The following C19orf44 variants were observed in gnomAD, a reference collection of about 807,000 sequenced individuals.
C19orf44 encodes the protein chromosome 19 open reading frame 44, also known as uncharacterized protein C19orf44.
A neutral mutation model predicts 50.7 loss-of-function variants in C19orf44; 43 were observed. The ratio of observed to expected loss-of-function variants is 0.85; its 90% confidence interval spans 0.66 to 1.09. C19orf44 has a LOEUF of 1.09. Among genes scored for constraint, C19orf44 ranks in the 50% least tolerant of loss-of-function variants. The pLI, the probability that C19orf44 is intolerant of heterozygous loss-of-function variation, is 0.00. For missense variants in C19orf44, 722 were observed against 836.2 expected (o/e 0.86, Z 1.68); for synonymous variants, 298 against 334.7 (o/e 0.89, Z 1.20).
intron 5 of C19orf44, among the ~76,000 whole-genome samples, chr19:16,512,014 CAAAAA>C (rs1203102155): frequency 2.1e-5 from 1 of 47,404 alleles, no homozygotes; most frequent in African/African-American, 8.8e-5. Flanking sequence ...GACTCTGTCT[CAAAAA>C]AAAAAAAAAA....
At position 16,506,698 on chromosome 19, in the gene C19orf44, C is replaced by G. The variant is rs1310792693; in HGVS notation, c.1076-3C>G. 5 of 1,575,596 alleles carry G rather than the reference C, an allele frequency of 3.2e-6. No homozygotes were observed. The highest frequency in any genetic ancestry group is 4.3e-6 in the Non-Finnish European group (5 of 1,160,408). On this transcript the variant is annotated splice_region_variant and splice_polypyrimidine_tract_variant and intron_variant, in intron 3 of 8. Coordinates refer to ENST00000221671, the MANE Select transcript of C19orf44 (RefSeq NM_032207.4). The stretch of plus-strand genomic sequence containing the variant: ...AACGCTTATACTCATTTTTTAATTA[C>G]AGAGTTTAGAATAAATATTTTATCG...
chr19:16,520,767 C>G lies in C19orf44; in HGVS notation c.*714C>G. On this transcript the variant is annotated 3_prime_UTR_variant, in exon 9 of 9. Transcript: ENST00000221671. The surrounding 1 kb of genome is among the most constrained non-coding windows in gnomAD (Gnocchi z 4.0). The stretch of plus-strand genomic sequence containing the variant: ...GATGAGTGTATCTGGGGTCTGCTCC[C>G]ACCCATCACAAGCTGTGGACCCTGG... 6.6e-7 allele frequency: 1 copy of G among 1,511,932 alleles called. No individual in the cohort carries two copies. Among genetic ancestry groups the G allele is most frequent in the Non-Finnish European group, 9.2e-7 (1 of 1,090,578 alleles). The allele number at this position is 1,511,932 out of a possible 1,614,324, so 93.7% of individuals were successfully genotyped here.
At chr19:16,510,131 G>C (rs2093452995) in intron 5 of C19orf44, 143 bp downstream of exon 5, 1 of 1,294,678 alleles carries the variant, frequency 7.7e-7, no homozygotes. Context: ...GGTTGGCCAA[G>C]CAAGGTGGCT....
At position 16,519,119 on chromosome 19, in the gene C19orf44, C is replaced by T. The variant is rs973569404; in HGVS notation, c.*41-975C>T. ...CAGTCAGCCAGGAAGGTCCCACAGC[C>T]GGCACCGCTGGCCACCGGCGCGGCT... On this transcript the variant is annotated intron_variant, in intron 8 of 8. Coordinates refer to ENST00000221671, the MANE Select transcript of C19orf44 (RefSeq NM_032207.4). The surrounding 1 kb of genome is among the most constrained non-coding windows in gnomAD (Gnocchi z 6.0). 32 of 1,577,924 alleles carry T rather than the reference C, an allele frequency of 2.0e-5. No homozygotes were observed. Among genetic ancestry groups the T allele is most frequent in the African/African-American group, 9.5e-5 (7 of 74,056 alleles).
chr19:16,501,435 G>A lies in C19orf44; in HGVS notation c.643G>A (p.Glu215Lys), dbSNP rs1235224151. The A allele has an allele frequency of 1.2e-5, 20 of 1,613,466 alleles. No individual in the cohort carries two copies. Among genetic ancestry groups the A allele is most frequent in the East Asian group, 2.2e-5 (1 of 44,894 alleles). Residue 215 changes from glutamate (E) to lysine (K), a missense_variant, in exon 2 of 9, where the codon GAA (glutamate) becomes AAA (lysine). Coordinates refer to ENST00000221671, the MANE Select transcript of C19orf44 (RefSeq NM_032207.4). Reference protein sequence around the residue: ...ARTFDSPDSDEEEMKVLLGSL... With the variant: ...ARTFDSPDSDKEEMKVLLGSL... ...AACATTTGATTCTCCAGACAGTGAC[G>A]AAGAAGAAATGAAAGTATTGCTAGG... is the stretch of plus-strand genomic sequence containing the variant.
intron 3 of C19orf44, among the ~76,000 whole-genome samples, chr19:16,504,589 C>G (rs976884155): frequency 2.1e-5 from 3 of 144,368 alleles, no homozygotes; most frequent in African/African-American, 8.3e-5. Context: ...GGCTAGCAGG[C>G]CTGTCTTCTG....
chr19:16,496,456 G>A lies in C19orf44; in HGVS notation c.-11G>A. ...GCGGCTGCCTCTGCGAATGGACGGC[G>A]TGGGAAGAGGTCGGCAGGGCTGGTG... On this transcript the variant is annotated 5_prime_UTR_variant, in exon 1 of 9. It adds an upstream start codon to the 5' untranslated region. Transcript: ENST00000221671. 2.8e-6 allele frequency: 1 copy of A among 357,878 alleles called. No individual in the cohort carries two copies. The highest frequency in any genetic ancestry group is 2.6e-5 in the South Asian group (1 of 37,876). The allele number at this position is 357,878 out of a possible 1,614,324, so 22.2% of individuals were successfully genotyped here. A position where few individuals can be genotyped will look rare whatever the true frequency, so the allele number is the denominator to read the frequency against.
intron 1 of C19orf44, among the ~76,000 whole-genome samples, chr19:16,500,240 T>G (rs1329677749): frequency 6.6e-6 from 1 of 152,074 alleles, no homozygotes; most frequent in Non-Finnish European, 1.5e-5. Context: ...TTGGTAATGG[T>G]TCTTACACTA....
At position 16,519,895 on chromosome 19, in the gene C19orf44, G is replaced by A. The variant is rs1043785447; in HGVS notation, c.*41-199G>A. 4.7e-4 allele frequency: 315 copies of A among 673,974 alleles called. 3 individuals carry two copies. The highest frequency in any genetic ancestry group is 2.3e-4 in the African/African-American group (13 of 55,772). 41.7% of individuals were successfully genotyped at this position (673,974 alleles called of 1,614,324 possible). Reference sequence around the variant, plus strand: ...TCAGCTAGATAAGGGGGCTCCAGACGCTGGCCCCCACCCCACGCTCAGCAT... The same window carrying A: ...TCAGCTAGATAAGGGGGCTCCAGACACTGGCCCCCACCCCACGCTCAGCAT... On this transcript the variant is annotated intron_variant, in intron 8 of 8. Coordinates refer to ENST00000221671, the MANE Select transcript of C19orf44 (RefSeq NM_032207.4). The surrounding 1 kb of genome is among the most constrained non-coding windows in gnomAD (Gnocchi z 6.0).
Position 16,519,870 on chromosome 19 carries a change from T to C in C19orf44, c.*41-224T>C. ...TGCGTCTCTACCCGTTTATCCTGTCTCAGCTAGATAAGGGGGCTCCAGACG... is the reference window on the plus strand; with the variant it reads ...TGCGTCTCTACCCGTTTATCCTGTCCCAGCTAGATAAGGGGGCTCCAGACG... On this transcript the variant is annotated intron_variant, in intron 8 of 8. Transcript: ENST00000221671. This position sits in a 1 kb window ranked among gnomAD's most constrained non-coding sequence, Gnocchi z 6.0. 3 of 734,110 alleles carry C rather than the reference T, an allele frequency of 4.1e-6. No individual in the cohort carries two copies. Among genetic ancestry groups the C allele is most frequent in the South Asian group, 1.6e-5 (1 of 61,610 alleles). 45.5% of individuals were successfully genotyped at this position (734,110 alleles called of 1,614,324 possible).
chr19:16,496,492 C>T lies in C19orf44; in HGVS notation c.-2+27C>T, dbSNP rs1162302525. ...TCGGCAGGGCTGGTGGGGAGGTGAC[C>T]TAGCTGGGCGTCCGGGCTCGCGAGG... On this transcript the variant is annotated intron_variant, in intron 1 of 8. Transcript: ENST00000221671. The T allele has an allele frequency of 2.1e-5, 7 of 329,750 alleles. No homozygotes were observed. The East Asian group carries it at 4.6e-4, about 22-fold the overall frequency. The allele number at this position is 329,750 out of a possible 1,614,324, so 20.4% of individuals were successfully genotyped here. A position where few individuals can be genotyped will look rare whatever the true frequency, so the allele number is the denominator to read the frequency against.
chr19:16,504,197 A>C (rs1235417083), intron 3 of C19orf44, among the ~76,000 whole-genome samples: 2 of 151,610 alleles, frequency 1.3e-5, no homozygotes, highest in Non-Finnish European at 2.9e-5. Flanking sequence ...CTCCATCTCT[A>C]AAAAAAAATT....
Position 16,513,034 on chromosome 19 carries a change from G to A in C19orf44, c.1660G>A (p.Gly554Arg). 6.2e-7 allele frequency: 1 copy of A among 1,613,376 alleles called. No individual in the cohort carries two copies. Among genetic ancestry groups the A allele is most frequent in the Non-Finnish European group, 8.5e-7 (1 of 1,179,960 alleles). The change falls in exon 6 of 9, where the codon GGG (glycine) becomes AGG (arginine). Residue 554 changes from glycine (G) to arginine (R), a missense_variant. Physicochemically the swap from Gly to Arg is moderately radical, Grantham distance 125. Transcript: ENST00000221671. ...GATAGTGGCCAGCATGGCAGCCATG[G>A]GGCCTGCCCTGGGAGGCGCCTACGT... Reference protein sequence around the residue: ...WTKVASMAAMGPALGGAYVDP... With the variant: ...WTKVASMAAMRPALGGAYVDP...
intron 4 of C19orf44, 83 bp downstream of exon 4, chr19:16,506,857 A>T (rs2093442184): frequency 9.4e-7 from 1 of 1,066,630 alleles, no homozygotes; most frequent in Non-Finnish European, 1.4e-6. Flanking sequence ...AAATTTAAAA[A>T]TTGAGGCAGG....
intron 4 of C19orf44, 22 bp from the exon 5 acceptor site, chr19:16,509,477 C>A (rs1444745155): frequency 6.5e-7 from 1 of 1,528,446 alleles, no homozygotes; most frequent in East Asian, 2.3e-5. Flanking sequence ...TTCCCAGCCA[C>A]CTCTGCCATT....
In C19orf44 at chr19:16,496,608, A is replaced by G. The variant is rs552271486; in HGVS notation, c.-2+143A>G. On this transcript the variant is annotated intron_variant, in intron 1 of 8. Transcript: ENST00000221671. The stretch of plus-strand genomic sequence containing the variant: ...GCCTCAGTTTCCCTGTCTGGGGTCT[A>G]TTGGAGCATGGTCCTGCGCGGGTCG... The G allele has an allele frequency of 2.9e-3, 670 of 231,140 alleles. 1 individual carries two copies. The highest frequency in any genetic ancestry group is 5.3e-3 in the Non-Finnish European group (600 of 112,326). The allele number at this position is 231,140 out of a possible 1,614,324, so 14.3% of individuals were successfully genotyped here. A position where few individuals can be genotyped will look rare whatever the true frequency, so the allele number is the denominator to read the frequency against.
Position 16,521,020 on chromosome 19 carries a change from TG to T in C19orf44, c.*968del. 1.1e-6 allele frequency: 1 copy of T among 940,022 alleles called. No individual in the cohort carries two copies. Among genetic ancestry groups the T allele is most frequent in the Non-Finnish European group, 1.7e-6 (1 of 585,386 alleles). 58.2% of individuals were successfully genotyped at this position (940,022 alleles called of 1,614,324 possible). On this transcript the variant is annotated 3_prime_UTR_variant, in exon 9 of 9. Coordinates refer to ENST00000221671, the MANE Select transcript of C19orf44 (RefSeq NM_032207.4). ...CAGAACCTTGGAGAGTACATGGCCC[TG>T]TGGCTGTGGGCTCCGAGCATGGGCG...
intron 5 of C19orf44, 106 bp from the exon 6 acceptor site, chr19:16,512,908 G>A: frequency 2.0e-5 from 16 of 787,434 alleles, no homozygotes; most frequent in Middle Eastern, 2.8e-4. Flanking sequence ...CCTTCAGAAA[G>A]AGGGAAGAAC....
In C19orf44 at chr19:16,520,416, A is replaced by T; in HGVS notation, c.*363A>T. ...GAGCAGGAGCGCGACCTTGACCTTG[A>T]GTACGAGCCTGAAGACTTGGAGGAT... On this transcript the variant is annotated 3_prime_UTR_variant, in exon 9 of 9. Transcript: ENST00000221671. The surrounding 1 kb of genome is among the most constrained non-coding windows in gnomAD (Gnocchi z 4.0). 3 of 1,614,116 alleles carry T rather than the reference A, an allele frequency of 1.9e-6. No homozygotes were observed. Among genetic ancestry groups the T allele is most frequent in the Non-Finnish European group, 2.5e-6 (3 of 1,180,016 alleles).
Sources: allele counts gnomAD v4.1 joint callset (sites outside exome capture counted in the v4.1 genomes callset), GRCh38; gene constraint gnomAD v4.1.1; non-coding constraint Gnocchi (gnomAD v3.1); transcripts MANE v1.5; gene names NCBI Gene and HGNC (gene_info 2026-07-23, HGNC 2026-07-21).